Variants in ZDHHC11B observed in about 807,000 individuals in gnomAD.
The protein encoded by ZDHHC11B is probable palmitoyltransferase ZDHHC11B.
ZDHHC11B carries 17 observed loss-of-function variants against 42.3 expected under a neutral mutation model. The ratio of observed to expected loss-of-function variants is 0.40; its 90% CI spans 0.27 to 0.60. The LOEUF is 0.60. Among genes scored for constraint, ZDHHC11B ranks in the 20% least tolerant of loss-of-function variants. The probability of loss-of-function intolerance (pLI) is 0.41; values close to 1 mark genes in which losing one functional copy is unlikely to be tolerated. For missense variants in ZDHHC11B, 262 were observed against 463.2 expected (o/e 0.57, Z 3.99); for synonymous variants, 123 against 193.5 (o/e 0.64, Z 3.02).
chr5:743,430 G>T (rs1480994261), intron 9 of ZDHHC11B, among the ~76,000 whole-genome samples: 1 of 147,614 alleles, frequency 6.8e-6, no homozygotes, highest in African/African-American at 2.5e-5. Flanking sequence ...GGACCACCTT[G>T]TAATTTCTGC....
chr5:771,494 G>A (rs1230903561), intron 1 of ZDHHC11B, among the ~76,000 whole-genome samples: 2 of 150,788 alleles, frequency 1.3e-5, no homozygotes, highest in Non-Finnish European at 3.0e-5. Context: ...GCAGGATCCT[G>A]GTGGGGGCAG....
intron 6 of ZDHHC11B, among the ~76,000 whole-genome samples, chr5:751,945 C>G (rs1218041394): frequency 8.4e-6 from 1 of 119,558 alleles, no homozygotes; most frequent in African/African-American, 2.7e-5. Flanking sequence ...CGGTGCGACT[C>G]GCCCAAGCCT....
chr5:730,733 A>T lies in ZDHHC11B; in HGVS notation c.1024-265T>A, dbSNP rs1742959362. ...CCTCAGAATGTGACTATATGTGGAGACAGGGTCTTGAAAGAGGTAATGGAT... is the reference window on the plus strand; with the variant it reads ...CCTCAGAATGTGACTATATGTGGAGTCAGGGTCTTGAAAGAGGTAATGGAT... On this transcript the variant is annotated intron_variant, in intron 11 of 13. Coordinates refer to ENST00000508859, the MANE Select transcript of ZDHHC11B (RefSeq NM_001351303.2). 3.3e-5 allele frequency among the ~76,000 whole-genome samples: 5 copies of T among 151,680 alleles called. 1 individual carries two copies. The highest frequency in any genetic ancestry group is 3.3e-4 in the Admixed American group (5 of 15,220).
chr5:773,695 C>G (rs1264369392), intron 1 of ZDHHC11B, among the ~76,000 whole-genome samples: 4 of 151,852 alleles, frequency 2.6e-5, no homozygotes, highest in Non-Finnish European at 2.9e-5. Context: ...CAGCACATGC[C>G]CCTTCCCTGG....
chr5:732,153 T>C (rs868267536), intron 11 of ZDHHC11B: 2,692 of 157,042 alleles, frequency 0.017, 108 homozygotes, highest in African/African-American at 0.059. Flanking sequence ...GCCACGGACT[T>C]GGGTGTCAGT....
intron 1 of ZDHHC11B, among the ~76,000 whole-genome samples, chr5:784,300 C>A (rs375035222): frequency 6.8e-6 from 1 of 147,886 alleles, no homozygotes; most frequent in Non-Finnish European, 1.5e-5. Flanking sequence ...ACGGTTCCAG[C>A]CCCGGGCTGG....
intron 1 of ZDHHC11B, among the ~76,000 whole-genome samples, chr5:775,530 A>G (rs1268359562): frequency 1.3e-5 from 2 of 151,812 alleles, no homozygotes; most frequent in Non-Finnish European, 2.9e-5. Context: ...CACGCCACAC[A>G]CTCAACCCAA....
intron 4 of ZDHHC11B, among the ~76,000 whole-genome samples, chr5:760,654 C>G (rs1477810156): frequency 1.3e-5 from 2 of 151,884 alleles, no homozygotes; most frequent in Non-Finnish European, 2.9e-5. Context: ...GCACCTTCCT[C>G]TGCAGAGCAT....
intron 1 of ZDHHC11B, among the ~76,000 whole-genome samples, 109 bp downstream of exon 1, chr5:784,559 G>T (rs1323265721): frequency 1.3e-5 from 2 of 152,066 alleles, no homozygotes; most frequent in South Asian, 4.1e-4. Flanking sequence ...GGGGGAGCGC[G>T]GGGGGCAGGG....
At chr5:742,237 C>T (rs1352789211) in intron 9 of ZDHHC11B, among the ~76,000 whole-genome samples, 4 of 140,202 alleles carry the variant, frequency 2.9e-5, no homozygotes, top group Non-Finnish European at 4.6e-5. Flanking sequence ...TCTTGCTTGG[C>T]CTCCCAAAGC....
chr5:746,716 C>G lies in ZDHHC11B; in HGVS notation c.785-1418G>C, dbSNP rs71587143. 3.0e-3 allele frequency among the ~76,000 whole-genome samples: 449 copies of G among 150,018 alleles called. 16 individuals are homozygous for G. Among genetic ancestry groups the G allele is most frequent in the African/African-American group, 0.01 (422 of 41,038 alleles). ...CTCATTCTTCATCCTCTCCCCGCAG[C>G]GTGCAGGTGACCATGCCTCACCCAA... On this transcript the variant is annotated intron_variant, in intron 8 of 13. Coordinates refer to ENST00000508859, the MANE Select transcript of ZDHHC11B (RefSeq NM_001351303.2).
At chr5:732,039 C>T (rs568788583) in intron 11 of ZDHHC11B, 1 of 152,442 alleles carries the variant, frequency 6.6e-6, no homozygotes, top group South Asian at 2.1e-4. Flanking sequence ...TTGTTCCATT[C>T]ATCGAGTCAG....
intron 1 of ZDHHC11B, among the ~76,000 whole-genome samples, chr5:783,776 G>GCC (rs67463652): frequency 1.2e-5 from 1 of 80,684 alleles, no homozygotes; most frequent in African/African-American, 4.7e-5. Flanking sequence ...CAAAACAGCA[G>GCC]CCCCCAAACC....
At chr5:717,598 A>G (rs1389098111) in intron 12 of ZDHHC11B, among the ~76,000 whole-genome samples, 1 of 151,840 alleles carries the variant, frequency 6.6e-6, no homozygotes, top group African/African-American at 2.4e-5. Flanking sequence ...CTCTGATCCA[A>G]TCCTTAAAAA....
At chr5:718,142 A>G (rs1436526185) in intron 12 of ZDHHC11B, among the ~76,000 whole-genome samples, 1 of 151,870 alleles carries the variant, frequency 6.6e-6, no homozygotes, top group African/African-American at 2.4e-5. Context: ...GAAATGGTGG[A>G]GGATTGTGAG....
At chr5:763,535 C>G (rs1219972661) in intron 4 of ZDHHC11B, among the ~76,000 whole-genome samples, 3 of 151,804 alleles carry the variant, frequency 2.0e-5, no homozygotes, top group Non-Finnish European at 4.4e-5. Context: ...CCAGCCAAGT[C>G]TAGACTGAGG....
chr5:750,458 A>G (rs1438069435), intron 7 of ZDHHC11B, among the ~76,000 whole-genome samples: 2 of 136,574 alleles, frequency 1.5e-5, no homozygotes, highest in African/African-American at 5.0e-5. Context: ...CCTTTCTCTT[A>G]CAAGCACACT....
At chr5:719,843 T>A (rs1239784437) in intron 12 of ZDHHC11B, among the ~76,000 whole-genome samples, 1 of 151,728 alleles carries the variant, frequency 6.6e-6, no homozygotes, top group African/African-American at 2.4e-5. Flanking sequence ...AAATGGAAAA[T>A]TCCAGAAATA....
At chr5:746,818 A>G (rs1359483558) in intron 8 of ZDHHC11B, among the ~76,000 whole-genome samples, 1 of 146,682 alleles carries the variant, frequency 6.8e-6, no homozygotes, top group African/African-American at 2.5e-5. Context: ...TTTTGTACAC[A>G]AAGTTGGAAA....
Sources: allele counts gnomAD v4.1 joint callset (sites outside exome capture counted in the v4.1 genomes callset), GRCh38; gene constraint gnomAD v4.1.1; transcripts MANE v1.5; gene names NCBI Gene and HGNC (gene_info 2026-07-23, HGNC 2026-07-21).